Variants in RIC3 observed in about 807,000 individuals in gnomAD.
RIC3 encodes the protein protein RIC-3.
In RIC3, 28 loss-of-function variants were observed where a neutral mutation model predicts 27.3. The observed-to-expected ratio is 1.02, with a 90% CI of 0.76 to 1.41. The LOEUF (loss-of-function observed/expected upper bound fraction) is 1.41, where lower values mean the gene tolerates loss of function less well. Ranked by LOEUF, RIC3 falls within the 40% of genes most tolerant of loss-of-function variation. RIC3 has a pLI of 0.00. For missense variants in RIC3, 501 were observed against 444.7 expected (o/e 1.13, Z -1.14); for synonymous variants, 184 against 160.4 (o/e 1.15, Z -1.11).
chr11:8,141,722 T>A (rs529602982), intron 1 of RIC3, among the ~76,000 whole-genome samples: 1 of 152,104 alleles, frequency 6.6e-6, no homozygotes, highest in African/African-American at 2.4e-5. Flanking sequence ...CAACAGAATA[T>A]ACATTTTTTT....
chr11:8,095,018 A>G, the RIC3 span, among the ~76,000 whole-genome samples: 1 of 152,188 alleles, frequency 6.6e-6, no homozygotes, highest in African/African-American at 2.4e-5. Flanking sequence ...GTGTATGCCA[A>G]TTGCAATCTT....
intron 1 of RIC3, among the ~76,000 whole-genome samples, chr11:8,141,799 G>C (rs531621495): frequency 6.6e-6 from 1 of 152,244 alleles, no homozygotes; most frequent in African/African-American, 2.4e-5. Context: ...CTCAGCAAAT[G>C]TAAAAGAACA....
intron 4 of RIC3, among the ~76,000 whole-genome samples, chr11:8,131,103 T>TTCACTCACTCACTCACTCAC (rs1947637777): frequency 7.5e-6 from 1 of 132,892 alleles, no homozygotes; most frequent in East Asian, 2.3e-4. Flanking sequence ...TAGGCATTCA[T>TTCACTCACTCACTCACTCAC]TCATTCACTC....
chr11:8,125,276 G>A (rs919428382), intron 5 of RIC3, among the ~76,000 whole-genome samples: 6 of 150,500 alleles, frequency 4.0e-5, no homozygotes, highest in African/African-American at 1.2e-4. Context: ...AAAGTAAATC[G>A]TAAAGAAAAA....
At position 8,109,417 on chromosome 11, in the gene RIC3, CAAG is replaced by C. The variant is rs1358218044; in HGVS notation, c.*1278_*1280del. 6.6e-6 allele frequency: 1 copy of C among 152,076 alleles called. No individual in the cohort carries two copies. Among genetic ancestry groups the C allele is most frequent in the African/African-American group, 2.4e-5 (1 of 41,404 alleles). 9.4% of individuals were successfully genotyped at this position (152,076 alleles called of 1,614,324 possible). Reference sequence around the variant, plus strand: ...GTAATTCATGGGTGCTATCTTGTCTCAAGAAGACACACGTCAGATGCAGTAAGG... The same window carrying C: ...GTAATTCATGGGTGCTATCTTGTCTCAAGACACACGTCAGATGCAGTAAGG... On this transcript the variant is annotated 3_prime_UTR_variant, in exon 6 of 6. Transcript: ENST00000309737.
intron 5 of RIC3, among the ~76,000 whole-genome samples, chr11:8,125,982 C>T (rs200966865): frequency 6.6e-6 from 1 of 152,118 alleles, no homozygotes; most frequent in Non-Finnish European, 1.5e-5. Context: ...GAGGTTGCAG[C>T]GAGCTGAGAT....
chr11:8,104,121 G>A (rs1015507738), downstream of RIC3: 1 of 152,244 alleles, frequency 6.6e-6, no homozygotes, highest in Non-Finnish European at 1.5e-5. Context: ...AAGCTGCTAG[G>A]GCCCCTAGAA....
chr11:8,129,614 G>A (rs1343184363), intron 4 of RIC3, among the ~76,000 whole-genome samples: 1 of 152,126 alleles, frequency 6.6e-6, no homozygotes, highest in Non-Finnish European at 1.5e-5. Context: ...GGTCACAGTT[G>A]GGAAACACCC....
intron 1 of RIC3, among the ~76,000 whole-genome samples, chr11:8,145,070 AC>A (rs1949527369): frequency 6.9e-6 from 1 of 144,192 alleles, no homozygotes; most frequent in South Asian, 2.4e-4. Context: ...TGGGAGATAT[AC>A]CTAATGCTAG....
At chr11:8,134,492 A>G (rs1224605732) in intron 4 of RIC3, among the ~76,000 whole-genome samples, 2 of 152,070 alleles carry the variant, frequency 1.3e-5, no homozygotes, top group Non-Finnish European at 2.9e-5. Context: ...ATGATTTGTA[A>G]TCCTTTCTGT....
the RIC3 span, among the ~76,000 whole-genome samples, chr11:8,094,553 G>C: frequency 6.6e-6 from 1 of 152,214 alleles, no homozygotes; most frequent in Non-Finnish European, 1.5e-5. Flanking sequence ...GGGGCTGACT[G>C]CTTCCCAGGC....
downstream of RIC3, chr11:8,101,841 A>T: frequency 4.3e-6 from 2 of 465,530 alleles, no homozygotes; most frequent in Non-Finnish European, 6.5e-6. Context: ...AAGGGATGAG[A>T]ATAATTCTTT....
At chr11:8,154,586 A>T (rs774722541) in intron 1 of RIC3, among the ~76,000 whole-genome samples, 10 of 152,198 alleles carry the variant, frequency 6.6e-5, no homozygotes, top group Non-Finnish European at 1.3e-4. Flanking sequence ...CCATGTTGAC[A>T]TGTATAGCTC....
chr11:8,100,602 G>GTT, the RIC3 span: 1 of 1,613,336 alleles, frequency 6.2e-7, no homozygotes, highest in Non-Finnish European at 8.5e-7. Flanking sequence ...CCCCCGCAAC[G>GTT]TGAGTGTCTA....
the RIC3 span, chr11:8,097,918 C>A: frequency 1.0e-6 from 1 of 957,518 alleles, no homozygotes; most frequent in Non-Finnish European, 1.6e-6. Flanking sequence ...TGAAGGAGAT[C>A]TAGGCCAGGG....
At chr11:8,136,185 T>C (rs1212327098) in intron 4 of RIC3, among the ~76,000 whole-genome samples, 2 of 152,102 alleles carry the variant, frequency 1.3e-5, no homozygotes, top group Non-Finnish European at 2.9e-5. Context: ...GAGGCTGCAA[T>C]CTGAGGATAC....
At chr11:8,112,792 A>G (rs2134059640) in intron 5 of RIC3, among the ~76,000 whole-genome samples, 1 of 152,304 alleles carries the variant, frequency 6.6e-6, no homozygotes, top group East Asian at 1.9e-4. Context: ...TTTCTAGGGC[A>G]TTTAGATTCT....
chr11:8,140,924 C>G (rs1239044092), intron 1 of RIC3, among the ~76,000 whole-genome samples: 6 of 150,276 alleles, frequency 4.0e-5, no homozygotes, highest in African/African-American at 1.2e-4. Context: ...TCATATCCAG[C>G]CAAACTAAGC....
At chr11:8,104,977 C>CTTAAATAAACTTAGCATTT (rs572603374), downstream of RIC3, 1,932 of 144,528 alleles carry the variant, frequency 0.013, 49 homozygotes, top group African/African-American at 0.047. Context: ...ACATTTACCT[C>CTTAAATAAACTTAGCATTT]TTAAATAAAC....
Sources: gnomAD v4.1 joint callset for allele counts (sites outside exome capture counted in the v4.1 genomes callset) on GRCh38, gnomAD v4.1.1 for gene constraint, MANE v1.5 for transcripts, NCBI Gene and HGNC (gene_info 2026-07-23, HGNC 2026-07-21) for gene names.